Variants in AKAP6 observed in about 807,000 individuals in gnomAD.
AKAP6 encodes A-kinase anchoring protein 6, also known as A-kinase anchor protein 6.
A neutral mutation model predicts 188.5 loss-of-function variants in AKAP6; 58 were observed. The ratio of observed to expected loss-of-function variants is 0.31; its 90% CI spans 0.25 to 0.38. AKAP6 has a LOEUF of 0.38. AKAP6 is among the 10% of genes least tolerant of loss of function. AKAP6 has a pLI of 1.00. For missense variants in AKAP6, 2,710 were observed against 2,740.0 expected (o/e 0.99, Z 0.24); for synonymous variants, 989 against 998.6 (o/e 0.99, Z 0.18).
At chr14:32,412,537 G>A (rs2138652633) in intron 1 of AKAP6, among the ~76,000 whole-genome samples, 1 of 152,290 alleles carries the variant, frequency 6.6e-6, no homozygotes, top group South Asian at 2.1e-4. Context: ...TTTTGGCAAG[G>A]CTATGTATAC....
At chr14:32,771,531 A>C (rs1045057554) in intron 11 of AKAP6, among the ~76,000 whole-genome samples, 7 of 152,138 alleles carry the variant, frequency 4.6e-5, no homozygotes, top group Admixed American at 2.6e-4. Context: ...ATTTATGGCC[A>C]ATGATCTTTA....
intron 7 of AKAP6, among the ~76,000 whole-genome samples, chr14:32,665,279 C>T (rs1431367171): frequency 6.6e-6 from 1 of 152,114 alleles, no homozygotes; most frequent in Non-Finnish European, 1.5e-5. Flanking sequence ...AAAGTTCGGC[C>T]CTCCAGAAAT....
At chr14:32,739,674 G>A (rs28848520) in intron 11 of AKAP6, among the ~76,000 whole-genome samples, 4,142 of 151,868 alleles carry the variant, frequency 0.027, 196 homozygotes, top group African/African-American at 0.094. Context: ...TCTCTGGTTC[G>A]GTCCATGTTG....
intron 2 of AKAP6, among the ~76,000 whole-genome samples, chr14:32,493,781 T>C (rs1034458387): frequency 1.3e-5 from 2 of 152,146 alleles, no homozygotes; most frequent in Non-Finnish European, 2.9e-5. Flanking sequence ...TCACTGACAT[T>C]TGTTAAGGGC....
chr14:32,782,007 T>G, intron 12 of AKAP6, among the ~76,000 whole-genome samples: 1 of 151,754 alleles, frequency 6.6e-6, no homozygotes, highest in East Asian at 1.9e-4. Flanking sequence ...CTACTAAAAA[T>G]ACAAAAACTT....
chr14:32,433,875 A>G, intron 2 of AKAP6, 58 bp downstream of exon 2: 3 of 1,502,410 alleles, frequency 2.0e-6, no homozygotes, highest in Non-Finnish European at 2.7e-6. Context: ...TGTGGCACCT[A>G]GAGACTGTGT....
chr14:32,798,969 T>C (rs960278641), intron 12 of AKAP6, among the ~76,000 whole-genome samples: 1 of 152,232 alleles, frequency 6.6e-6, no homozygotes, highest in African/African-American at 2.4e-5. Flanking sequence ...TGCTGCCACA[T>C]AGTCAATGAA....
At chr14:32,661,222 A>G (rs7153048) in intron 7 of AKAP6, among the ~76,000 whole-genome samples, 95,342 of 151,770 alleles carry the variant, frequency 0.63, 30,549 homozygotes, top group East Asian at 0.94. Flanking sequence ...CTAAATTACT[A>G]CAGGACCTCC....
At chr14:32,658,376 G>A (rs1410029285) in intron 7 of AKAP6, among the ~76,000 whole-genome samples, 2 of 152,122 alleles carry the variant, frequency 1.3e-5, no homozygotes, top group South Asian at 2.1e-4. Context: ...ATATCTCCCT[G>A]TTTAATATTC....
At chr14:32,786,296 A>ATGG in intron 12 of AKAP6, among the ~76,000 whole-genome samples, 1 of 93,706 alleles carries the variant, frequency 1.1e-5, no homozygotes, top group African/African-American at 4.1e-5. Context: ...CTAAACCTTT[A>ATGG]TCTTTTTTTT....
chr14:32,702,472 T>C (rs1346556946), intron 9 of AKAP6, among the ~76,000 whole-genome samples: 2 of 151,918 alleles, frequency 1.3e-5, no homozygotes, highest in Non-Finnish European at 2.9e-5. Flanking sequence ...GAAGAAAAAG[T>C]AGATGAATGT....
chr14:32,465,368 G>A (rs12878349), intron 2 of AKAP6, among the ~76,000 whole-genome samples: 2,147 of 151,070 alleles, frequency 0.014, 31 homozygotes, highest in Non-Finnish European at 0.017. Flanking sequence ...CCAAAACAGC[G>A]TGGTACTGGT....
intron 12 of AKAP6, among the ~76,000 whole-genome samples, chr14:32,818,124 T>G (rs1594979215): frequency 6.6e-6 from 1 of 152,032 alleles, no homozygotes; most frequent in East Asian, 1.9e-4. Flanking sequence ...ATGAAAAAAT[T>G]TAAAGTCTAA....
At chr14:32,416,879 A>T (rs1297055478) in intron 1 of AKAP6, among the ~76,000 whole-genome samples, 1 of 151,624 alleles carries the variant, frequency 6.6e-6, no homozygotes, top group East Asian at 1.9e-4. Context: ...GCTGTCACCC[A>T]GGCTGGTGTT....
In AKAP6 at chr14:32,830,435, A is replaced by G. The variant is rs2034798892; in HGVS notation, c.*630A>G. On this transcript the variant is annotated 3_prime_UTR_variant, in exon 14 of 14. Coordinates refer to ENST00000280979, the MANE Select transcript of AKAP6 (RefSeq NM_004274.5). ...ATGCAGCATTTCAAGAAACAACCAT[A>G]TGGTGTTGTATATTATAAACTGGTG... The G allele has an allele frequency of 6.5e-6, 1 of 153,498 alleles. No individual in the cohort carries two copies. The highest frequency in any genetic ancestry group is 2.1e-4 in the South Asian group (1 of 4,874). The allele number at this position is 153,498 out of a possible 1,614,324, so 9.5% of individuals were successfully genotyped here. A position where few individuals can be genotyped will look rare whatever the true frequency, so the allele number is the denominator to read the frequency against.
chr14:32,794,684 C>G (rs555855131), intron 12 of AKAP6, among the ~76,000 whole-genome samples: 1 of 152,228 alleles, frequency 6.6e-6, no homozygotes, highest in South Asian at 2.1e-4. Flanking sequence ...ATGCCCATAT[C>G]AAAAAGCTAG....
chr14:32,545,368 G>T lies in AKAP6; in HGVS notation c.715G>T (p.Gly239Trp), dbSNP rs145116316. The T allele has an allele frequency of 8.1e-6, 13 of 1,614,038 alleles. No individual in the cohort carries two copies. The African/African-American group carries it at 1.7e-4, about 22-fold the overall frequency. The change falls in exon 4 of 14, where the codon GGG becomes TGG. Residue 239 changes from glycine (G) to tryptophan (W), a missense_variant. Around this residue, in one of 2 missense-constraint regions of AKAP6, gnomAD observed 237 missense variants for 313.9 expected, o/e 0.76. Coordinates refer to ENST00000280979, the MANE Select transcript of AKAP6 (RefSeq NM_004274.5). ...DYSPSEDLLS[G>W]LGDMTSSQVK... ...CAGTCCAAGTGAGGATTTGCTCAGT[G>T]GGCTAGGTGACATGACCTCTAGCCA...
intron 9 of AKAP6, among the ~76,000 whole-genome samples, chr14:32,699,306 T>C (rs1175268717): frequency 6.6e-6 from 1 of 152,208 alleles, no homozygotes; most frequent in Non-Finnish European, 1.5e-5. Flanking sequence ...ACAGCATCTA[T>C]TGTGATATTT....
Position 32,549,749 on chromosome 14 carries a change from T to C in AKAP6, c.2346+2750T>C, listed in dbSNP as rs930178518. Among the ~76,000 whole-genome samples the C allele has an allele frequency of 3.3e-5, 5 of 152,284 alleles. No individual in the cohort carries two copies. The East Asian group carries it at 9.7e-4, about 29-fold the overall frequency. Reference sequence around the variant, plus strand: ...CAGATGAAGAAACTAAGGCAGTATGTGATTAGGAAACTTGCTCAAGTCCTC... The same window carrying C: ...CAGATGAAGAAACTAAGGCAGTATGCGATTAGGAAACTTGCTCAAGTCCTC... On this transcript the variant is annotated intron_variant, in intron 4 of 13. Transcript: ENST00000280979.
Sources: allele counts gnomAD v4.1 joint callset (sites outside exome capture counted in the v4.1 genomes callset), GRCh38; gene constraint gnomAD v4.1.1; regional missense constraint gnomAD v4.1.1; transcripts MANE v1.5; gene names NCBI Gene and HGNC (gene_info 2026-07-23, HGNC 2026-07-21).